Variants in ANKFN1 observed in about 807,000 individuals in gnomAD.
ANKFN1 encodes ankyrin repeat and fibronectin type III domain containing 1.
In ANKFN1, 74 loss-of-function variants were observed where a neutral mutation model predicts 108.7. That is an observed-to-expected ratio of 0.68 (90% CI 0.56 to 0.83). The LOEUF is 0.83. Among genes scored for constraint, ANKFN1 ranks in the 40% least tolerant of loss-of-function variants. The probability of loss-of-function intolerance (pLI) is 0.00; values close to 1 mark genes in which losing one functional copy is unlikely to be tolerated. For missense variants in ANKFN1, 1,505 were observed against 1,382.3 expected (o/e 1.09, Z -1.41); for synonymous variants, 547 against 516.2 (o/e 1.06, Z -0.81).
chr17:56,317,813 T>G (rs1270246158), intron 3 of ANKFN1, among the ~76,000 whole-genome samples: 1 of 152,200 alleles, frequency 6.6e-6, no homozygotes, highest in African/African-American at 2.4e-5. Context: ...TCATTATGCC[T>G]GTGATATTCA....
At position 56,512,824 on chromosome 17, in the gene ANKFN1, T is replaced by C. The variant is rs184729595; in HGVS notation, c.*1555T>C. ...ATTACCCTGCTGCAAAGGTACAGAT[T>C]TGGCCCATGGCCTATGGTCATTAGA... On this transcript the variant is annotated 3_prime_UTR_variant, in exon 21 of 21. Transcript: ENST00000682825. Among the ~76,000 whole-genome samples the C allele has an allele frequency of 9.2e-5, 14 of 152,368 alleles. No homozygotes were observed. Among genetic ancestry groups the C allele is most frequent in the East Asian group, 1.9e-4 (1 of 5,190 alleles).
chr17:56,224,237 C>T (rs1916085210), intron 2 of ANKFN1, among the ~76,000 whole-genome samples: 1 of 152,192 alleles, frequency 6.6e-6, no homozygotes, highest in African/African-American at 2.4e-5. Context: ...TAAATAAAAC[C>T]TTCATTCTTA....
At chr17:56,374,752 A>T in intron 8 of ANKFN1, 38 bp downstream of exon 8, 1 of 1,488,166 alleles carries the variant, frequency 6.7e-7, no homozygotes, top group Non-Finnish European at 9.3e-7. Context: ...ACTCCTTCTT[A>T]AAAAAGCATC....
At chr17:56,294,695 G>A (rs923689473) in intron 3 of ANKFN1, among the ~76,000 whole-genome samples, 18 of 152,126 alleles carry the variant, frequency 1.2e-4, no homozygotes, top group African/African-American at 4.1e-4. Context: ...TGTCATTCAG[G>A]GACAGCCCAA....
At chr17:56,199,721 C>T (rs1913871781) in intron 1 of ANKFN1, among the ~76,000 whole-genome samples, 1 of 152,184 alleles carries the variant, frequency 6.6e-6, no homozygotes, top group African/African-American at 2.4e-5. Flanking sequence ...AAATTGAGGA[C>T]ACCCAGTGAA....
At chr17:56,055,769 GT>G (rs1904866329) in intron 4 of ANKFN1, among the ~76,000 whole-genome samples, 1 of 150,716 alleles carries the variant, frequency 6.6e-6, no homozygotes, top group Non-Finnish European at 1.5e-5. Context: ...TTGAATGGTA[GT>G]TCTATTTTTA....
chr17:56,332,906 G>A (rs886951074), intron 4 of ANKFN1, among the ~76,000 whole-genome samples: 6 of 151,750 alleles, frequency 4.0e-5, no homozygotes, highest in Non-Finnish European at 7.4e-5. Flanking sequence ...GAATGTATAT[G>A]TCAGTTTGGA....
intron 4 of ANKFN1, among the ~76,000 whole-genome samples, chr17:56,344,750 T>C (rs1386237240): frequency 6.6e-6 from 1 of 151,886 alleles, no homozygotes; most frequent in Non-Finnish European, 1.5e-5. Context: ...GTGAGTAGGA[T>C]TTTCTAGAAA....
At chr17:56,220,714 G>C (rs1227890499) in intron 2 of ANKFN1, among the ~76,000 whole-genome samples, 5 of 144,318 alleles carry the variant, frequency 3.5e-5, no homozygotes, top group East Asian at 4.0e-4. Flanking sequence ...GAAAGGGAAA[G>C]GGAAACGGAA....
At chr17:56,277,585 C>T (rs2043967583) in intron 3 of ANKFN1, among the ~76,000 whole-genome samples, 1 of 151,988 alleles carries the variant, frequency 6.6e-6, no homozygotes, top group African/African-American at 2.4e-5. Context: ...CAGAGGATGT[C>T]ATTAAAGATT....
At chr17:56,358,805 G>T (rs554876789) in intron 6 of ANKFN1, among the ~76,000 whole-genome samples, 1 of 152,048 alleles carries the variant, frequency 6.6e-6, no homozygotes, top group African/African-American at 2.4e-5. Context: ...GATCCCAGTC[G>T]CTATGACTCA....
intron 6 of ANKFN1, chr17:56,367,963 TC>T: frequency 4.7e-6 from 1 of 211,396 alleles, no homozygotes; most frequent in Non-Finnish European, 9.9e-6. Flanking sequence ...TCCACCGAGT[TC>T]TTTAAGGTTT....
intron 6 of ANKFN1, among the ~76,000 whole-genome samples, chr17:56,358,571 C>A (rs759982597): frequency 2.0e-5 from 3 of 152,190 alleles, no homozygotes; most frequent in Non-Finnish European, 4.4e-5. Context: ...TGACTTTTTT[C>A]TGTTCCTCCT....
chr17:56,474,638 G>A (rs187714133), intron 15 of ANKFN1, among the ~76,000 whole-genome samples: 1 of 152,234 alleles, frequency 6.6e-6, no homozygotes, highest in Admixed American at 6.5e-5. Flanking sequence ...AATGACCTGT[G>A]AGTCTGTAGC....
chr17:56,506,126 A>G (rs140554715), intron 20 of ANKFN1, among the ~76,000 whole-genome samples: 2,039 of 152,236 alleles, frequency 0.013, 45 homozygotes, highest in African/African-American at 0.046. Flanking sequence ...AGTTTGTTAC[A>G]TATGTATACA....
chr17:56,350,710 T>A, intron 4 of ANKFN1, 56 bp from the exon 5 acceptor site: 3 of 1,477,598 alleles, frequency 2.0e-6, no homozygotes, highest in Non-Finnish European at 2.8e-6. Context: ...TAAAATCATA[T>A]GTCAACTTAT....
intron 3 of ANKFN1, among the ~76,000 whole-genome samples, chr17:56,253,435 A>G (rs1269255912): frequency 6.6e-6 from 1 of 152,186 alleles, no homozygotes; most frequent in Non-Finnish European, 1.5e-5. Flanking sequence ...AGGACAATGA[A>G]AACATCTGGA....
At chr17:56,182,401 C>T (rs1455661006) in intron 1 of ANKFN1, among the ~76,000 whole-genome samples, 2 of 152,134 alleles carry the variant, frequency 1.3e-5, no homozygotes, top group East Asian at 3.8e-4. Flanking sequence ...GCAAAACAGC[C>T]TTATTGCTGA....
intron 8 of ANKFN1, among the ~76,000 whole-genome samples, chr17:56,427,123 C>A (rs1332354719): frequency 6.6e-6 from 1 of 152,146 alleles, no homozygotes; most frequent in Non-Finnish European, 1.5e-5. Flanking sequence ...TTTTATTTAT[C>A]TTTAATTCCC....
Sources: allele counts gnomAD v4.1 joint callset (sites outside exome capture counted in the v4.1 genomes callset), GRCh38; gene constraint gnomAD v4.1.1; transcripts MANE v1.5; gene names NCBI Gene and HGNC (gene_info 2026-07-23, HGNC 2026-07-21).